TMEM156: variants seen among roughly 807,000 people sequenced by gnomAD.
The protein encoded by TMEM156 is transmembrane protein 156.
A neutral mutation model predicts 30.5 loss-of-function variants in TMEM156; 28 were observed. That is an observed-to-expected ratio of 0.92 (90% confidence interval 0.68 to 1.26). The LOEUF (loss-of-function observed/expected upper bound fraction) is 1.26. TMEM156 is among the 50% of genes most tolerant of loss of function. The probability of loss-of-function intolerance (pLI) is 0.00; values close to 1 mark genes in which losing one functional copy is unlikely to be tolerated. For missense variants in TMEM156, 351 were observed against 340.6 expected, an observed-to-expected ratio of 1.03 and a Z score of -0.24; for synonymous variants, 137 against 119.9, an observed-to-expected ratio of 1.14 and a Z score of -0.93.
chr4:38,991,755 T>C (rs1015987727), intron 3 of TMEM156, among the ~76,000 whole-genome samples: 6 of 152,160 alleles, frequency 3.9e-5, no homozygotes, highest in Non-Finnish European at 5.9e-5. Context: ...AAAATACAGT[T>C]AGGTGGATAT....
chr4:39,011,262 A>C (rs1037224024), intron 1 of TMEM156, among the ~76,000 whole-genome samples: 2 of 152,218 alleles, frequency 1.3e-5, no homozygotes, highest in Non-Finnish European at 2.9e-5. Flanking sequence ...GACATTCACA[A>C]GGTTGCAAAG....
At chr4:39,023,606 G>A (rs1270931331) in intron 1 of TMEM156, among the ~76,000 whole-genome samples, 2 of 152,198 alleles carry the variant, frequency 1.3e-5, no homozygotes, top group East Asian at 1.9e-4. Flanking sequence ...ACAGTGGGAG[G>A]CCAAGGTGGG....
At position 39,029,909 on chromosome 4, in the gene TMEM156, G is replaced by A. The variant is rs139019955; in HGVS notation, c.88+2317C>T. ...TTTTATTATTATTACACAATTGCAT[G>A]TGTATAACATTTTGCCTAGTAATCA... On this transcript the variant is annotated intron_variant, in intron 1 of 6. Coordinates refer to ENST00000381938, the MANE Select transcript of TMEM156 (RefSeq NM_024943.3). Among the ~76,000 whole-genome samples, 28 of 152,072 alleles carry A rather than the reference G, an allele frequency of 1.8e-4. No individual in the cohort carries two copies. The East Asian group carries it at 5.0e-3, about 27-fold the overall frequency.
In TMEM156 at chr4:39,022,176, C is replaced by T. The variant is rs149639525; in HGVS notation, c.88+10050G>A. On this transcript the variant is annotated intron_variant, in intron 1 of 6. Transcript: ENST00000381938. ...ACATTCCTGGATTGGACTTTTCACA[C>T]GTCACAGGTAATGATTCTCAACATC... 2.4e-3 allele frequency among the ~76,000 whole-genome samples: 373 copies of T among 152,286 alleles called. 3 individuals are homozygous for T. Among genetic ancestry groups the T allele is most frequent in the Middle Eastern group, 0.014 (4 of 294 alleles).
intron 1 of TMEM156, among the ~76,000 whole-genome samples, chr4:39,022,297 C>A (rs980737710): frequency 5.9e-5 from 9 of 152,204 alleles, no homozygotes; most frequent in African/African-American, 2.2e-4. Flanking sequence ...TCCTCAAAAC[C>A]AGACATAATT....
In TMEM156 at chr4:38,998,895, G is replaced by A. The variant is rs751686753; in HGVS notation, c.103C>T (p.Leu35=). The change falls in exon 2 of 7, where the codon CTA becomes TTA. Residue 35 remains leucine (L), a synonymous_variant. Coordinates refer to ENST00000381938, the MANE Select transcript of TMEM156 (RefSeq NM_024943.3). ...FKTPKERTLE[L]SCLEVCLQSN... ...TGCAAACACACTTCCAGACATGATA[G>A]CTCCAATGTTCTTTCTGTAAAGAAA... The A allele has an allele frequency of 1.9e-6, 3 of 1,609,452 alleles. No homozygotes were observed. Among genetic ancestry groups the A allele is most frequent in the South Asian group, 1.1e-5 (1 of 89,950 alleles).
chr4:38,990,835 T>TTTC (rs1553878610), intron 3 of TMEM156, among the ~76,000 whole-genome samples: 1 of 126,242 alleles, frequency 7.9e-6, no homozygotes. Context: ...TTCTGGTTTT[T>TTTC]TTTTTTTTTT....
At chr4:39,009,756 T>A (rs1172460694) in intron 1 of TMEM156, among the ~76,000 whole-genome samples, 3 of 152,104 alleles carry the variant, frequency 2.0e-5, no homozygotes, top group Non-Finnish European at 2.9e-5. Context: ...CTCAAAATAA[T>A]AAGAGCCATC....
chr4:38,983,612 C>G (rs1237749672), intron 5 of TMEM156, among the ~76,000 whole-genome samples: 2 of 152,144 alleles, frequency 1.3e-5, no homozygotes, highest in African/African-American at 4.8e-5. Flanking sequence ...ATTGCCCAGG[C>G]TGGTCTTGAA....
chr4:38,974,008 T>A (rs867408141), intron 5 of TMEM156, among the ~76,000 whole-genome samples: 1 of 152,042 alleles, frequency 6.6e-6, no homozygotes, highest in African/African-American at 2.4e-5. Context: ...TTTCTAATGC[T>A]AAACTGTCCT....
At chr4:39,021,395 A>AG (rs1228462642) in intron 1 of TMEM156, among the ~76,000 whole-genome samples, 1 of 14,146 alleles carries the variant, frequency 7.1e-5, no homozygotes, top group East Asian at 2.9e-3. Flanking sequence ...ACCTTGTCTC[A>AG]AAAAAAAATA....
chr4:38,969,552 C>T (rs1476049037), intron 6 of TMEM156, among the ~76,000 whole-genome samples: 1 of 152,020 alleles, frequency 6.6e-6, no homozygotes, highest in African/African-American at 2.4e-5. Flanking sequence ...TATAGGTATC[C>T]CTTTGCTATA....
chr4:39,012,598 G>C (rs1388338557), intron 1 of TMEM156, among the ~76,000 whole-genome samples: 1 of 152,194 alleles, frequency 6.6e-6, no homozygotes, highest in Non-Finnish European at 1.5e-5. Flanking sequence ...CTGAGGTCAG[G>C]AGTTCGAGAC....
At chr4:38,984,086 C>T (rs1356555269) in intron 5 of TMEM156, among the ~76,000 whole-genome samples, 1 of 152,186 alleles carries the variant, frequency 6.6e-6, no homozygotes, top group Non-Finnish European at 1.5e-5. Flanking sequence ...TAAGCTGTCA[C>T]GCTTCTCAAA....
chr4:39,021,836 T>C (rs1360820716), intron 1 of TMEM156, among the ~76,000 whole-genome samples: 1 of 152,236 alleles, frequency 6.6e-6, no homozygotes, highest in East Asian at 1.9e-4. Flanking sequence ...TCTGATTACA[T>C]TCTTCTGTGC....
intron 1 of TMEM156, among the ~76,000 whole-genome samples, chr4:39,009,503 A>C (rs958631825): frequency 6.6e-6 from 1 of 152,200 alleles, no homozygotes; most frequent in Non-Finnish European, 1.5e-5. Flanking sequence ...TCTCAGCAAA[A>C]TATTAGCAAA....
rs184910365 is a variant in TMEM156, at chr4:39,026,487, G to A, written c.88+5739C>T. The stretch of plus-strand genomic sequence containing the variant: ...AGGTATTGCAACCTAACAGATTAGA[G>A]AATAAAGCCAGTTCTGTCAAAGTGA... On this transcript the variant is annotated intron_variant, in intron 1 of 6. Coordinates refer to ENST00000381938, the MANE Select transcript of TMEM156 (RefSeq NM_024943.3). Among the ~76,000 whole-genome samples, 184 of 152,236 alleles carry A rather than the reference G, an allele frequency of 1.2e-3. 1 individual carries two copies. Among genetic ancestry groups the A allele is most frequent in the African/African-American group, 3.7e-3 (153 of 41,538 alleles).
intron 3 of TMEM156, among the ~76,000 whole-genome samples, chr4:38,992,712 T>TTA (rs1470732212): frequency 4.9e-5 from 2 of 41,084 alleles, no homozygotes; most frequent in South Asian, 8.8e-4. Flanking sequence ...TATATATATA[T>TTA]TATATATATA....
At chr4:38,983,250 T>C (rs1240590061) in intron 5 of TMEM156, among the ~76,000 whole-genome samples, 4 of 152,202 alleles carry the variant, frequency 2.6e-5, no homozygotes, top group Non-Finnish European at 4.4e-5. Context: ...CCTACTGGTT[T>C]TCCAACAAAT....
Sources: gnomAD v4.1 joint callset for allele counts (sites outside exome capture counted in the v4.1 genomes callset) on GRCh38, gnomAD v4.1.1 for gene constraint, MANE v1.5 for transcripts, NCBI Gene and HGNC (gene_info 2026-07-23, HGNC 2026-07-21) for gene names.